CAMK1D: variants seen among roughly 807,000 people sequenced by gnomAD.
CAMK1D encodes calcium/calmodulin-dependent protein kinase type 1D.
A neutral mutation model predicts 47.7 loss-of-function variants in CAMK1D; 9 were observed. That is an observed-to-expected ratio of 0.19 (90% CI 0.11 to 0.33). The LOEUF is 0.33. Ranked by LOEUF, CAMK1D falls within the 10% of genes least tolerant of loss-of-function variation. The pLI, the probability that CAMK1D is intolerant of heterozygous loss-of-function variation, is 1.00. For missense variants in CAMK1D, 291 were observed against 488.7 expected (o/e 0.60, Z 3.81); for synonymous variants, 184 against 184.9 (o/e 0.99, Z 0.04).
rs1833423162 is a variant in CAMK1D, at chr10:12,831,795, C to A, written c.*2908C>A. The A allele has an allele frequency of 1.3e-5, 2 of 152,242 alleles. No homozygotes were observed. Among genetic ancestry groups the A allele is most frequent in the Admixed American group, 1.3e-4 (2 of 15,286 alleles). The allele number at this position is 152,242 out of a possible 1,614,324, so 9.4% of individuals were successfully genotyped here. On this transcript the variant is annotated 3_prime_UTR_variant, in exon 11 of 11. Coordinates refer to ENST00000619168, the MANE Select transcript of CAMK1D (RefSeq NM_153498.4). ...ATTGCTTCAGAGAAAGAGAGGCGCTCTTGTGCTTTTGAGAGAGCTCTCATG... is the reference window on the plus strand; with the variant it reads ...ATTGCTTCAGAGAAAGAGAGGCGCTATTGTGCTTTTGAGAGAGCTCTCATG...
Position 12,825,126 on chromosome 10 carries a change from T to C in CAMK1D, c.922-447T>C, listed in dbSNP as rs184650841. 2.6e-5 allele frequency among the ~76,000 whole-genome samples: 4 copies of C among 152,394 alleles called. No homozygotes were observed. The East Asian group carries it at 7.7e-4, about 29-fold the overall frequency. On this transcript the variant is annotated intron_variant, in intron 9 of 10. Transcript: ENST00000619168. ...CTGTATTCATAGGACATGCTATCAT[T>C]AGGTTGGCGCAAAAGTAGTTGTGGT...
At chr10:12,803,586 C>T (rs535476799) in intron 6 of CAMK1D, among the ~76,000 whole-genome samples, 2 of 152,204 alleles carry the variant, frequency 1.3e-5, no homozygotes, top group Non-Finnish European at 2.9e-5. Context: ...ACCTAGGAGG[C>T]AGAGGTTGCA....
intron 5 of CAMK1D, among the ~76,000 whole-genome samples, chr10:12,771,816 T>G (rs950277810): frequency 6.6e-6 from 1 of 152,076 alleles, no homozygotes; most frequent in African/African-American, 2.4e-5. Context: ...GTTGGGTCAG[T>G]TGAGTCCAGG....
At chr10:12,358,438 C>T (rs751285497) in intron 1 of CAMK1D, among the ~76,000 whole-genome samples, 108 of 152,078 alleles carry the variant, frequency 7.1e-4, no homozygotes, top group Non-Finnish European at 1.3e-3. Flanking sequence ...GAGGCTGAGG[C>T]GTGAGAAACG....
intron 1 of CAMK1D, among the ~76,000 whole-genome samples, chr10:12,457,905 A>G (rs1365258982): frequency 6.6e-6 from 1 of 152,168 alleles, no homozygotes; most frequent in African/African-American, 2.4e-5. Flanking sequence ...TGTCTGAGGC[A>G]CAGGGGAAGG....
chr10:12,607,017 G>A (rs987388227), intron 2 of CAMK1D, among the ~76,000 whole-genome samples: 3 of 151,932 alleles, frequency 2.0e-5, no homozygotes, highest in Admixed American at 6.6e-5. Context: ...TAGTAGAGAC[G>A]GGGTTTCACC....
At chr10:12,788,596 G>A (rs911101034) in intron 5 of CAMK1D, among the ~76,000 whole-genome samples, 28 of 152,306 alleles carry the variant, frequency 1.8e-4, no homozygotes, top group East Asian at 1.2e-3. Context: ...TGTGGATGTC[G>A]TTGCTTCTCA....
At chr10:12,439,164 C>T (rs1200534391) in intron 1 of CAMK1D, among the ~76,000 whole-genome samples, 1 of 152,200 alleles carries the variant, frequency 6.6e-6, no homozygotes, top group African/African-American at 2.4e-5. Flanking sequence ...GAGGACTTTG[C>T]CTTGTGTACC....
intron 1 of CAMK1D, among the ~76,000 whole-genome samples, chr10:12,505,111 C>A (rs1223499006): frequency 6.6e-6 from 1 of 152,220 alleles, no homozygotes; most frequent in Non-Finnish European, 1.5e-5. Flanking sequence ...GTTGGAGGTG[C>A]TCTGTGAGCA....
intron 3 of CAMK1D, among the ~76,000 whole-genome samples, chr10:12,740,768 G>T (rs1167556406): frequency 6.6e-6 from 1 of 151,746 alleles, no homozygotes. Context: ...TTTTGTTTTT[G>T]TTTTTTTTGC....
chr10:12,351,160 G>A (rs1169628587), intron 1 of CAMK1D, among the ~76,000 whole-genome samples: 1 of 152,128 alleles, frequency 6.6e-6, no homozygotes, highest in Non-Finnish European at 1.5e-5. Context: ...TGTGAGGGTG[G>A]CTTTCCCAGT....
rs372335143 is a variant in CAMK1D, at chr10:12,624,167, A to T, written c.225-42569A>T. ...GTCTTAGAAAAAAATCATTCTTAGC[A>T]TTTTGATCTGTATCATGAGTATATC... On this transcript the variant is annotated intron_variant, in intron 2 of 10. Coordinates refer to ENST00000619168, the MANE Select transcript of CAMK1D (RefSeq NM_153498.4). Among the ~76,000 whole-genome samples, 140 of 152,134 alleles carry T rather than the reference A, an allele frequency of 9.2e-4. 2 individuals are homozygous for T. The highest frequency in any genetic ancestry group is 6.8e-3 in the Middle Eastern group (2 of 294).
rs186766432 is a variant in CAMK1D at position 12,577,241 on chromosome 10, G to A, written c.224+23885G>A. ...ACAGCGAAAATTCCTGGCTGGTTCT[G>A]TATGTCGCCGTGTTGGGTTCCCAGC... On this transcript the variant is annotated intron_variant, in intron 2 of 10. Transcript: ENST00000619168. 8.3e-4 allele frequency among the ~76,000 whole-genome samples: 126 copies of A among 152,308 alleles called. 1 individual carries two copies. The highest frequency in any genetic ancestry group is 2.4e-3 in the African/African-American group (100 of 41,546).
chr10:12,373,131 C>T (rs915279688), intron 1 of CAMK1D, among the ~76,000 whole-genome samples: 3 of 152,114 alleles, frequency 2.0e-5, no homozygotes, highest in Admixed American at 6.6e-5. Flanking sequence ...TGGTCCGCTT[C>T]TTCCTGGAAA....
At chr10:12,792,705 A>C (rs74118609) in intron 6 of CAMK1D, among the ~76,000 whole-genome samples, 7,499 of 152,270 alleles carry the variant, frequency 0.049, 610 homozygotes, top group African/African-American at 0.17. Flanking sequence ...GTGCCTGTAG[A>C]TTCTTGTCGT....
chr10:12,621,265 C>T (rs145787616), intron 2 of CAMK1D, among the ~76,000 whole-genome samples: 163 of 152,232 alleles, frequency 1.1e-3, no homozygotes, highest in African/African-American at 3.7e-3. Context: ...TATTCTAGTT[C>T]CTTTGCCTTT....
At chr10:12,746,319 T>G (rs78254593) in intron 3 of CAMK1D, among the ~76,000 whole-genome samples, 34,679 of 143,240 alleles carry the variant, frequency 0.24, 4,835 homozygotes, top group African/African-American at 0.4. Context: ...AGCCCAGATC[T>G]CGCCACTGCA....
At chr10:12,536,090 G>A (rs1835961124) in intron 1 of CAMK1D, among the ~76,000 whole-genome samples, 1 of 151,998 alleles carries the variant, frequency 6.6e-6, no homozygotes, top group Non-Finnish European at 1.5e-5. Context: ...TATCTTTTAT[G>A]CCTTTGGTTA....
chr10:12,716,262 T>C (rs569339461), intron 3 of CAMK1D, among the ~76,000 whole-genome samples: 4 of 152,154 alleles, frequency 2.6e-5, no homozygotes, highest in African/African-American at 9.6e-5. Flanking sequence ...GGATGTCTTG[T>C]GTATTGTAGG....
Sources: gnomAD v4.1 joint callset for allele counts (sites outside exome capture counted in the v4.1 genomes callset) on GRCh38, gnomAD v4.1.1 for gene constraint, MANE v1.5 for transcripts, NCBI Gene and HGNC (gene_info 2026-07-23, HGNC 2026-07-21) for gene names.